RAP1GAP2: variants seen among roughly 807,000 people sequenced by gnomAD.
RAP1GAP2 encodes RAP1 GTPase activating protein 2, also known as rap1 GTPase-activating protein 2.
Under a neutral mutation model 95.0 loss-of-function variants are expected in RAP1GAP2, and 27 were observed. The observed-to-expected ratio is 0.28, with a 90% CI of 0.21 to 0.39. The LOEUF (loss-of-function observed/expected upper bound fraction) is 0.39. Among genes scored for constraint, RAP1GAP2 ranks in the 10% least tolerant of loss-of-function variants. RAP1GAP2 has a pLI of 1.00. For missense variants in RAP1GAP2, 771 were observed against 970.0 expected (o/e 0.79, Z 2.72); for synonymous variants, 373 against 380.9 (o/e 0.98, Z 0.24).
chr17:2,917,083 T>G (rs1244922448), intron 3 of RAP1GAP2, among the ~76,000 whole-genome samples: 1 of 152,176 alleles, frequency 6.6e-6, no homozygotes, highest in Admixed American at 6.5e-5. Context: ...CTCCAGCCCA[T>G]CTTTCTTTCC....
At chr17:2,922,566 G>GGT (rs924125425) in intron 3 of RAP1GAP2, among the ~76,000 whole-genome samples, 1 of 152,094 alleles carries the variant, frequency 6.6e-6, no homozygotes, top group Non-Finnish European at 1.5e-5. Context: ...CCACTGCAAG[G>GGT]GTGTGTGTGT....
At chr17:2,886,188 TTTGA>T (rs2073498605) in intron 2 of RAP1GAP2, among the ~76,000 whole-genome samples, 2 of 133,976 alleles carry the variant, frequency 1.5e-5, no homozygotes, top group South Asian at 2.2e-4. Flanking sequence ...TTTTTTTTTT[TTTGA>T]GCCGGAGTCT....
intron 2 of RAP1GAP2, among the ~76,000 whole-genome samples, chr17:2,818,788 C>T (rs1201362361): frequency 6.6e-6 from 1 of 152,166 alleles, no homozygotes; most frequent in Non-Finnish European, 1.5e-5. Flanking sequence ...GGCTCTGACA[C>T]GCAGCAGCTG....
chr17:2,891,029 G>A (rs558897566), intron 2 of RAP1GAP2, among the ~76,000 whole-genome samples: 2 of 152,200 alleles, frequency 1.3e-5, no homozygotes, highest in South Asian at 4.2e-4. Flanking sequence ...TCATTGTTAT[G>A]TGAGAGGGTA....
intron 2 of RAP1GAP2, among the ~76,000 whole-genome samples, chr17:2,901,159 T>A (rs1370601690): frequency 6.6e-6 from 1 of 152,132 alleles, no homozygotes; most frequent in Non-Finnish European, 1.5e-5. Context: ...TCCCTGAGCC[T>A]CCCCATCTGC....
At chr17:2,946,210 T>C (rs1035130430) in intron 3 of RAP1GAP2, among the ~76,000 whole-genome samples, 2 of 152,264 alleles carry the variant, frequency 1.3e-5, no homozygotes, top group African/African-American at 4.8e-5. Flanking sequence ...TGAGGATGTC[T>C]GACTCTATCC....
rs71377568 is a variant in RAP1GAP2, at chr17:3,013,627, C to CTTTTTTTTTTTT, written c.1495-4430_1495-4429insTTTTTTTTTTTT. Reference sequence around the variant, plus strand: ...AGCCTCTGAGTTTTTCTTTTCTTTTCTTTTCTTTTTTTTTTTTTTTTTTTT... The same window carrying CTTTTTTTTTTTT: ...AGCCTCTGAGTTTTTCTTTTCTTTTCTTTTTTTTTTTTTTTTCTTTTTTTTTTTTTTTTTTTT... On this transcript the variant is annotated intron_variant, in intron 17 of 24. Coordinates refer to ENST00000254695, the MANE Select transcript of RAP1GAP2 (RefSeq NM_015085.5). Among the ~76,000 whole-genome samples the CTTTTTTTTTTTT allele has an allele frequency of 5.3e-4, 42 of 78,900 alleles. 2 individuals are homozygous for CTTTTTTTTTTTT. Among genetic ancestry groups the CTTTTTTTTTTTT allele is most frequent in the African/African-American group, 6.4e-4 (12 of 18,824 alleles). 51.8% of individuals were successfully genotyped at this position (78,900 alleles called of 152,430 possible).
intron 8 of RAP1GAP2, among the ~76,000 whole-genome samples, chr17:2,974,283 A>T (rs1203254475): frequency 6.6e-6 from 1 of 151,764 alleles, no homozygotes; most frequent in Non-Finnish European, 1.5e-5. Context: ...CAGGAGGCGG[A>T]GCTTGTAGTG....
chr17:2,943,630 A>G (rs184585217), intron 3 of RAP1GAP2, among the ~76,000 whole-genome samples: 1 of 152,128 alleles, frequency 6.6e-6, no homozygotes, highest in Non-Finnish European at 1.5e-5. Context: ...GTACCAGTGC[A>G]CTCCAGCCTG....
At chr17:2,925,392 TGAA>T (rs1161544219) in intron 3 of RAP1GAP2, among the ~76,000 whole-genome samples, 2 of 152,012 alleles carry the variant, frequency 1.3e-5, no homozygotes, top group African/African-American at 4.8e-5. Context: ...CTTACAATCA[TGAA>T]GGAGAAGCAT....
In RAP1GAP2 at chr17:2,866,356, G is replaced by A. The variant is rs544293604; in HGVS notation, c.81-38928G>A. On this transcript the variant is annotated intron_variant, in intron 2 of 24. Transcript: ENST00000254695. The surrounding 1 kb of genome is among the most constrained non-coding windows in gnomAD (Gnocchi z 4.0). ...TAGGTGTTGAATGCTGGGGAAAGAAGGGCAGGTCAGGCTGTGGGAGGCTTC... is the reference window on the plus strand; with the variant it reads ...TAGGTGTTGAATGCTGGGGAAAGAAAGGCAGGTCAGGCTGTGGGAGGCTTC... 5.5e-4 allele frequency among the ~76,000 whole-genome samples: 84 copies of A among 152,332 alleles called. No individual in the cohort carries two copies. Among genetic ancestry groups the A allele is most frequent in the African/African-American group, 2.0e-3 (83 of 41,588 alleles).
At chr17:2,945,340 A>G (rs187426755) in intron 3 of RAP1GAP2, among the ~76,000 whole-genome samples, 1 of 152,070 alleles carries the variant, frequency 6.6e-6, no homozygotes, top group Non-Finnish European at 1.5e-5. Flanking sequence ...TGTACTCTGC[A>G]ATTTTGCAGA....
chr17:2,808,974 C>T (rs768604292), intron 2 of RAP1GAP2, among the ~76,000 whole-genome samples: 26 of 152,118 alleles, frequency 1.7e-4, no homozygotes, highest in Non-Finnish European at 2.6e-4. Flanking sequence ...TCGGGGCGTG[C>T]GTGGCTGCAG....
chr17:2,927,868 C>T (rs2043019643), intron 3 of RAP1GAP2, among the ~76,000 whole-genome samples: 1 of 152,210 alleles, frequency 6.6e-6, no homozygotes, highest in South Asian at 2.1e-4. Context: ...TGCCTGATCT[C>T]ATTGCTTTGC....
rs923271724 is a variant in RAP1GAP2 at position 2,777,572 on chromosome 17, T to C, written c.-14+294T>C. ...GTGTTCAGGAGACCTCAGGGGTCCG[T>C]GTAGACTGTCCTCTGGCTTTGCCAG... On this transcript the variant is annotated intron_variant, in intron 1 of 24. Transcript: ENST00000540393. Among the ~76,000 whole-genome samples the C allele has an allele frequency of 3.3e-5, 5 of 152,126 alleles. No homozygotes were observed. The East Asian group carries it at 7.7e-4, about 23-fold the overall frequency.
chr17:2,909,264 G>A (rs1021066405), intron 3 of RAP1GAP2, among the ~76,000 whole-genome samples: 59 of 152,166 alleles, frequency 3.9e-4, no homozygotes, highest in African/African-American at 1.3e-3. Context: ...CGGCAGCAGT[G>A]CCAGCTGCTG....
chr17:2,886,116 T>C (rs1031431379), intron 2 of RAP1GAP2, among the ~76,000 whole-genome samples: 12 of 151,688 alleles, frequency 7.9e-5, no homozygotes, highest in African/African-American at 2.9e-4. Flanking sequence ...GAATTTTTTT[T>C]CCCAATGAAT....
At chr17:2,966,168 A>G (rs1358503191) in intron 8 of RAP1GAP2, among the ~76,000 whole-genome samples, 3 of 152,212 alleles carry the variant, frequency 2.0e-5, no homozygotes, top group Admixed American at 6.5e-5. Context: ...GACCTTCTCA[A>G]GGGCAGGAGC....
chr17:2,900,355 A>G (rs1405537302), intron 2 of RAP1GAP2, among the ~76,000 whole-genome samples: 2 of 152,202 alleles, frequency 1.3e-5, no homozygotes, highest in Non-Finnish European at 2.9e-5. Flanking sequence ...TCAACATTTT[A>G]TGAGTTATAA....
Sources: allele counts gnomAD v4.1 joint callset (sites outside exome capture counted in the v4.1 genomes callset), GRCh38; gene constraint gnomAD v4.1.1; non-coding constraint Gnocchi (gnomAD v3.1); transcripts MANE v1.5; gene names NCBI Gene and HGNC (gene_info 2026-07-23, HGNC 2026-07-21).